RESF1: variants seen among roughly 807,000 people sequenced by gnomAD.
RESF1 encodes gonad expressed transcript.
RESF1 carries 65 observed loss-of-function variants against 134.7 expected under a neutral mutation model. That is an observed-to-expected ratio of 0.48 (90% confidence interval 0.40 to 0.59). RESF1 has a LOEUF of 0.59. Among genes scored for constraint, RESF1 ranks in the 20% least tolerant of loss-of-function variants. RESF1 has a pLI of 0.00. For missense variants in RESF1, 2,274 were observed against 2,002.7 expected (o/e 1.14, Z -2.59); for synonymous variants, 762 against 702.2 (o/e 1.09, Z -1.35).
chr12:31,985,091 A>G lies in RESF1; in HGVS notation c.4136A>G (p.Gln1379Arg). The G allele has an allele frequency of 6.4e-7, 1 of 1,564,794 alleles. No homozygotes were observed. Among genetic ancestry groups the G allele is most frequent in the South Asian group, 1.2e-5 (1 of 81,196 alleles). Residue 1379 changes from glutamine to arginine, a missense_variant, in exon 4 of 6, where the codon CAA (glutamine) becomes CGA (arginine). Physicochemically the swap from Gln to Arg is conservative, Grantham distance 43. Transcript: ENST00000312561. The part of the protein sequence containing the change: ...VSFKQKRKLD[Q>R]GNVLDMEVKK... ...TTCAAACAAAAACGAAAGTTAGACC[A>G]AGGGAACGTATTAGATATGGAAGTA...
In RESF1 at chr12:31,981,693, T is replaced by G; in HGVS notation, c.738T>G (p.Asn246Lys). The G allele has an allele frequency of 6.2e-7, 1 of 1,613,816 alleles. No individual in the cohort carries two copies. Residue 246 changes from asparagine (N) to lysine (K), a missense_variant, in exon 4 of 6, where the codon AAT becomes AAG. Coordinates refer to ENST00000312561, the MANE Select transcript of RESF1 (RefSeq NM_018169.4). ...FIPHTSLQVK[N>K]SQLLNSVLTL... ...CACATACATCATTGCAAGTTAAAAATAGTCAGCTTCTAAATTCTGTATTAA... is the reference window on the plus strand; with the variant it reads ...CACATACATCATTGCAAGTTAAAAAGAGTCAGCTTCTAAATTCTGTATTAA...
At chr12:31,987,851 C>T (rs1291013764) in intron 5 of RESF1, among the ~76,000 whole-genome samples, 1 of 152,088 alleles carries the variant, frequency 6.6e-6, no homozygotes, top group Non-Finnish European at 1.5e-5. Flanking sequence ...TTTTCTCCCT[C>T]AGCTTCCCAA....
chr12:31,981,100 G>A lies in RESF1; in HGVS notation c.145G>A (p.Ala49Thr), dbSNP rs1190768358. Residue 49 changes from alanine (A) to threonine (T), a missense_variant, in exon 4 of 6, where the codon GCA (alanine) becomes ACA (threonine). Ala to Thr is a moderately conservative substitution (Grantham distance 58). Transcript: ENST00000312561. ...SFSYPGSNQE[A>T]CMYPGNSNPI... ...CAGCTATCCTGGAAGTAACCAAGAA[G>A]CATGCATGTATCCCGGTAATTCAAA... 6.2e-7 allele frequency: 1 copy of A among 1,614,160 alleles called. No individual in the cohort carries two copies. Among genetic ancestry groups the A allele is most frequent in the Non-Finnish European group, 8.5e-7 (1 of 1,180,022 alleles).
In RESF1 at chr12:31,982,853, A is replaced by G. The variant is rs1371142742; in HGVS notation, c.1898A>G (p.Glu633Gly). 2 of 1,614,030 alleles carry G rather than the reference A, an allele frequency of 1.2e-6. No individual in the cohort carries two copies. The highest frequency in any genetic ancestry group is 1.7e-6 in the Non-Finnish European group (2 of 1,180,030). Residue 633 changes from glutamate (E) to glycine (G), a missense_variant, in exon 4 of 6, where the codon GAA becomes GGA. Coordinates refer to ENST00000312561, the MANE Select transcript of RESF1 (RefSeq NM_018169.4). ...TGNQLNLKNM[E>G]TPSTSNVSGR... ...AACCAACTGAATTTGAAGAACATGG[A>G]AACTCCAAGTACTTCTAATGTAAGT... is the stretch of plus-strand genomic sequence containing the variant.
rs765645276 is a variant in RESF1, at chr12:31,982,754, A to G, written c.1799A>G (p.Lys600Arg). The change falls in exon 4 of 6, where the codon AAA becomes AGA. Residue 600 changes from lysine to arginine, a missense_variant. Transcript: ENST00000312561. Reference sequence around the variant, plus strand: ...CGTAAGACTCAGAAGACAGTATTAAAAGATGCTAATCAAACTATTCAGGAT... The same window carrying G: ...CGTAAGACTCAGAAGACAGTATTAAGAGATGCTAATCAAACTATTCAGGAT... ...QARKTQKTVL[K>R]DANQTIQDSK... 17 of 1,614,096 alleles carry G rather than the reference A, an allele frequency of 1.1e-5. No homozygotes were observed. Among genetic ancestry groups the G allele is most frequent in the Admixed American group, 1.7e-5 (1 of 60,012 alleles).
intron 3 of RESF1, among the ~76,000 whole-genome samples, chr12:31,972,389 G>A (rs1166995922): frequency 2.0e-5 from 3 of 151,940 alleles, no homozygotes; most frequent in Admixed American, 6.6e-5. Context: ...GGTGGATCAC[G>A]AGGTCAGGAG....
In RESF1 at chr12:31,982,131, G is replaced by A. The variant is rs1233409243; in HGVS notation, c.1176G>A (p.Lys392=). Residue 392 remains lysine, a synonymous_variant, in exon 4 of 6, where the codon AAG becomes AAA. Coordinates refer to ENST00000312561, the MANE Select transcript of RESF1 (RefSeq NM_018169.4). Reference sequence around the variant, plus strand: ...TGGACACAAGTGTTGCAAAAGAAAAGCTAGTAAGGGATATTAAAACATTAG... The same window carrying A: ...TGGACACAAGTGTTGCAAAAGAAAAACTAGTAAGGGATATTAAAACATTAG... ...QVLDTSVAKE[K]LVRDIKTLVE... is the part of the protein sequence containing the mutation. 1 of 1,613,924 alleles carries A rather than the reference G, an allele frequency of 6.2e-7. No homozygotes were observed.
rs1343401759 is a variant in RESF1 at position 31,984,367 on chromosome 12, G to A, written c.3412G>A (p.Glu1138Lys). 1 of 1,614,160 alleles carries A rather than the reference G, an allele frequency of 6.2e-7. No homozygotes were observed. The highest frequency in any genetic ancestry group is 8.5e-7 in the Non-Finnish European group (1 of 1,180,026). Reference protein sequence around the residue: ...VDKLAEPQKEEPITEVVSQCD... With the variant: ...VDKLAEPQKEKPITEVVSQCD... ...CAAGTTGGCAGAACCTCAGAAAGAA[G>A]AGCCCATCACAGAAGTAGTTAGCCA... The change falls in exon 4 of 6, where the codon GAG becomes AAG. Residue 1138 changes from glutamate to lysine, a missense_variant. By Grantham distance (56) the Glu-to-Lys change is moderately conservative (BLOSUM62 1). Coordinates refer to ENST00000312561, the MANE Select transcript of RESF1 (RefSeq NM_018169.4).
At chr12:31,972,456 ATT>A (rs1939531298) in intron 3 of RESF1, among the ~76,000 whole-genome samples, 1 of 152,012 alleles carries the variant, frequency 6.6e-6, no homozygotes, top group Non-Finnish European at 1.5e-5. Flanking sequence ...AATACAAAAA[ATT>A]AGCCAGGCGT....
In RESF1 at chr12:31,983,429, C is replaced by T. The variant is rs1489439912; in HGVS notation, c.2474C>T (p.Thr825Ile). Reference sequence around the variant, plus strand: ...GATGTTAGTGGACCAGTAGCAAGTACAGCAACATCAACCAAGATTTTTCCA... The same window carrying T: ...GATGTTAGTGGACCAGTAGCAAGTATAGCAACATCAACCAAGATTTTTCCA... ...KVDVSGPVAS[T>I]ATSTKIFPLT... Residue 825 changes from threonine to isoleucine, a missense_variant, in exon 4 of 6, where the codon ACA becomes ATA. By Grantham distance (89) the Thr-to-Ile change is moderately conservative. Coordinates refer to ENST00000312561, the MANE Select transcript of RESF1 (RefSeq NM_018169.4). 1.2e-6 allele frequency: 2 copies of T among 1,613,894 alleles called. No individual in the cohort carries two copies. The highest frequency in any genetic ancestry group is 2.2e-5 in the East Asian group (1 of 44,884).
At position 31,983,098 on chromosome 12, in the gene RESF1, A is replaced by G. The variant is rs764976422; in HGVS notation, c.2143A>G (p.Ser715Gly). Residue 715 changes from serine to glycine, a missense_variant, in exon 4 of 6, where the codon AGT becomes GGT. By Grantham distance (56) the Ser-to-Gly change is moderately conservative. Coordinates refer to ENST00000312561, the MANE Select transcript of RESF1 (RefSeq NM_018169.4). The stretch of plus-strand genomic sequence containing the variant: ...AAAGCCTGCTAACATCCACGTTAAG[A>G]GTCCTTGTTCAGTTGTGGGAAATTC... ...ISKPANIHVK[S>G]PCSVVGNSNS... 2 of 1,613,268 alleles carry G rather than the reference A, an allele frequency of 1.2e-6. No individual in the cohort carries two copies. The highest frequency in any genetic ancestry group is 1.1e-5 in the South Asian group (1 of 90,978).
chr12:31,970,907 C>T (rs1315211725), intron 3 of RESF1, among the ~76,000 whole-genome samples: 6 of 152,156 alleles, frequency 3.9e-5, no homozygotes, highest in Non-Finnish European at 5.9e-5. Flanking sequence ...CAACTTGTAG[C>T]GGACTCCAGA....
chr12:31,969,492 A>G (rs1378456192), intron 2 of RESF1, among the ~76,000 whole-genome samples: 1 of 152,216 alleles, frequency 6.6e-6, no homozygotes, highest in Admixed American at 6.5e-5. Flanking sequence ...TGACATAGTG[A>G]GACCCTGTCT....
intron 5 of RESF1, among the ~76,000 whole-genome samples, chr12:31,987,639 C>G (rs1476628069): frequency 6.6e-6 from 1 of 152,140 alleles, no homozygotes; most frequent in Non-Finnish European, 1.5e-5. Context: ...GGTGTCTGTC[C>G]TGACTACTCA....
rs1555112007 is a variant in RESF1, at chr12:31,984,635, C to T, written c.3680C>T (p.Thr1227Ile). 4.4e-6 allele frequency: 7 copies of T among 1,575,564 alleles called. No homozygotes were observed. The highest frequency in any genetic ancestry group is 1.7e-4 in the Middle Eastern group (1 of 5,830). ...GAGAGAACTTCTGATAGAGATGTCA[C>T]TGTTGTTCAATTTAAGAGCCTTGTA... Reference protein sequence around the residue: ...QGERTSDRDVTVVQFKSLVNN... With the variant: ...QGERTSDRDVIVVQFKSLVNN... Residue 1227 changes from threonine (T) to isoleucine (I), a missense_variant, in exon 4 of 6, where the codon ACT becomes ATT. Thr to Ile is a moderately conservative substitution (Grantham distance 89). Transcript: ENST00000312561.
In RESF1 at chr12:31,982,396, A is replaced by G; in HGVS notation, c.1441A>G (p.Thr481Ala). The G allele has an allele frequency of 6.2e-7, 1 of 1,614,098 alleles. No individual in the cohort carries two copies. Among genetic ancestry groups the G allele is most frequent in the East Asian group, 2.2e-5 (1 of 44,884 alleles). ...AGTGGAATCTGCAGAAACAAATAAG[A>G]CTCAATGTATGTTGAATTCTGACAT... ...TVVESAETNK[T>A]QCMLNSDIQE... The change falls in exon 4 of 6, where the codon ACT (threonine) becomes GCT (alanine). Residue 481 changes from threonine to alanine, a missense_variant. Physicochemically the swap from Thr to Ala is moderately conservative, Grantham distance 58 (BLOSUM62 0). Transcript: ENST00000312561.
chr12:31,982,884 G>T lies in RESF1; in HGVS notation c.1929G>T (p.Arg643Ser). Reference protein sequence around the residue: ...ETPSTSNVSGRVLDNSFCSGQ... With the variant: ...ETPSTSNVSGSVLDNSFCSGQ... ...CAAGTACTTCTAATGTAAGTGGCAG[G>T]GTTTTGGACAACTCCTTTTGCAGTG... The change falls in exon 4 of 6, where the codon AGG becomes AGT. Residue 643 changes from arginine (R) to serine (S), a missense_variant. Physicochemically the swap from Arg to Ser is moderately radical, Grantham distance 110 (BLOSUM62 -1). Coordinates refer to ENST00000312561, the MANE Select transcript of RESF1 (RefSeq NM_018169.4). The T allele has an allele frequency of 6.2e-7, 1 of 1,614,044 alleles. No homozygotes were observed. Among genetic ancestry groups the T allele is most frequent in the South Asian group, 1.1e-5 (1 of 91,062 alleles).
chr12:31,976,445 A>G (rs1341638709), intron 3 of RESF1, among the ~76,000 whole-genome samples: 2 of 152,166 alleles, frequency 1.3e-5, no homozygotes, highest in Non-Finnish European at 2.9e-5. Flanking sequence ...GAAAATCATA[A>G]GGGATTGGGT....
At position 31,961,965 on chromosome 12, in the gene RESF1, A is replaced by G. The variant is rs148915644; in HGVS notation, c.-247+1094A>G. On this transcript the variant is annotated intron_variant, in intron 2 of 5. Coordinates refer to ENST00000312561, the MANE Select transcript of RESF1 (RefSeq NM_018169.4). ...AGGCCAGGTGTGGTGGCTCACGCCT[A>G]TAATGCCAGCACTTTAAGAGGCTGG... Among the ~76,000 whole-genome samples the G allele has an allele frequency of 4.5e-3, 692 of 152,300 alleles. 6 individuals carry two copies. Among genetic ancestry groups the G allele is most frequent in the African/African-American group, 0.016 (676 of 41,562 alleles).
Sources: gnomAD v4.1 joint callset for allele counts (sites outside exome capture counted in the v4.1 genomes callset) on GRCh38, gnomAD v4.1.1 for gene constraint, MANE v1.5 for transcripts, NCBI Gene and HGNC (gene_info 2026-07-23, HGNC 2026-07-21) for gene names.